Variants in DGKG observed in about 807,000 individuals in gnomAD.
DGKG encodes the protein DAG kinase gamma.
In DGKG, 78 loss-of-function variants were observed where a neutral mutation model predicts 105.3. The observed-to-expected ratio is 0.74, with a 90% CI of 0.62 to 0.89. The LOEUF is 0.89. DGKG is among the 40% of genes least tolerant of loss of function. The pLI is 0.00. For missense variants in DGKG, 958 were observed against 1,020.1 expected (o/e 0.94, Z 0.83); for synonymous variants, 346 against 367.1 (o/e 0.94, Z 0.66).
chr3:186,278,362 T>C (rs1048936175), intron 9 of DGKG, among the ~76,000 whole-genome samples: 2 of 152,222 alleles, frequency 1.3e-5, no homozygotes, highest in African/African-American at 4.8e-5. Flanking sequence ...ATCTGAGCCC[T>C]TCCAGTTCCT....
chr3:186,307,360 T>C (rs1724297849), intron 2 of DGKG, among the ~76,000 whole-genome samples: 1 of 152,360 alleles, frequency 6.6e-6, no homozygotes, highest in African/African-American at 2.4e-5. Context: ...GTTTCAGCCA[T>C]ATCAAGTTAC....
intron 2 of DGKG, among the ~76,000 whole-genome samples, chr3:186,308,366 AT>A (rs1560147187): frequency 6.6e-6 from 1 of 152,150 alleles, no homozygotes; most frequent in African/African-American, 2.4e-5. Context: ...GACCTTGGCT[AT>A]CCCTCTCTTC....
At chr3:186,194,015 G>A (rs1257487064) in intron 21 of DGKG, among the ~76,000 whole-genome samples, 1 of 152,236 alleles carries the variant, frequency 6.6e-6, no homozygotes, top group Non-Finnish European at 1.5e-5. Flanking sequence ...TGCGCCGGCG[G>A]CCAGGTGCCC....
rs68014632 is a variant in DGKG, at chr3:186,265,657, C to CTTTTTTTTTT, written c.1210-361_1210-352dup. 3.0e-3 allele frequency among the ~76,000 whole-genome samples: 229 copies of CTTTTTTTTTT among 77,384 alleles called. 13 individuals are homozygous for CTTTTTTTTTT. Among genetic ancestry groups the CTTTTTTTTTT allele is most frequent in the African/African-American group, 8.6e-3 (169 of 19,576 alleles). 50.8% of individuals were successfully genotyped at this position (77,384 alleles called of 152,430 possible). A position where few individuals can be genotyped will look rare whatever the true frequency, so the allele number is the denominator to read the frequency against. ...TTGGCGACTTGGCTTTTCTTCCTTT[C>CTTTTTTTTTT]TTTTTTTTTTTTTTTTTTTTTTTTG... On this transcript the variant is annotated intron_variant, in intron 13 of 24. Transcript: ENST00000265022.
chr3:186,169,151 A>G (rs751942199), intron 22 of DGKG, among the ~76,000 whole-genome samples: 14 of 152,226 alleles, frequency 9.2e-5, no homozygotes, highest in Admixed American at 5.9e-4. Context: ...TATGGTATCT[A>G]TATGATGAAA....
intron 20 of DGKG, among the ~76,000 whole-genome samples, chr3:186,233,318 G>A (rs1466185870): frequency 6.6e-6 from 1 of 152,178 alleles, no homozygotes; most frequent in Non-Finnish European, 1.5e-5. Flanking sequence ...AGGGGGCCAG[G>A]AGCCAAAGAG....
chr3:186,197,421 AC>A (rs1251801404), intron 21 of DGKG, among the ~76,000 whole-genome samples: 1 of 151,886 alleles, frequency 6.6e-6, no homozygotes, highest in African/African-American at 2.4e-5. Flanking sequence ...ATCCCCCACC[AC>A]CCCGCACACT....
chr3:186,322,409 G>A (rs1344214547), intron 1 of DGKG, among the ~76,000 whole-genome samples: 1 of 152,106 alleles, frequency 6.6e-6, no homozygotes, highest in Admixed American at 6.6e-5. Context: ...GGAACAATAG[G>A]TACTGGGGCC....
At chr3:186,244,141 C>T (rs922492274) in intron 19 of DGKG, among the ~76,000 whole-genome samples, 3 of 151,828 alleles carry the variant, frequency 2.0e-5, no homozygotes, top group Non-Finnish European at 2.9e-5. Flanking sequence ...CTGCCCGCCT[C>T]GGCCTCCCAA....
rs1264248303 is a variant in DGKG, at chr3:186,245,538, C to A, written c.1762-2970G>T. Among the ~76,000 whole-genome samples, 3 of 152,332 alleles carry A rather than the reference C, an allele frequency of 2.0e-5. No individual in the cohort carries two copies. In the South Asian group the frequency reaches 6.2e-4, roughly 32 times the overall value. On this transcript the variant is annotated intron_variant, in intron 19 of 24. Coordinates refer to ENST00000265022, the MANE Select transcript of DGKG (RefSeq NM_001346.3). ...CTTTCTTGGTTATTAAGGCGTAAAC[C>A]CTTTCTTGATGATAATTAAGGCAAA...
chr3:186,230,998 G>A (rs1468867258), intron 20 of DGKG, among the ~76,000 whole-genome samples: 1 of 152,138 alleles, frequency 6.6e-6, no homozygotes. Context: ...TCTTTAATAT[G>A]TCTCCAGGCC....
At chr3:186,336,376 C>T (rs917058151) in intron 1 of DGKG, among the ~76,000 whole-genome samples, 8 of 151,670 alleles carry the variant, frequency 5.3e-5, no homozygotes, top group African/African-American at 9.8e-5. Context: ...TCTTAAGTAA[C>T]TCCATGTTTA....
chr3:186,277,688 G>A (rs1722648105), intron 9 of DGKG, among the ~76,000 whole-genome samples: 1 of 152,146 alleles, frequency 6.6e-6, no homozygotes, highest in Non-Finnish European at 1.5e-5. Context: ...ATAAAGTAAC[G>A]TTTCTGCTTG....
At chr3:186,322,399 G>C (rs1005475807) in intron 1 of DGKG, among the ~76,000 whole-genome samples, 1 of 152,090 alleles carries the variant, frequency 6.6e-6, no homozygotes, top group Non-Finnish European at 1.5e-5. Context: ...CACAAAGAAG[G>C]GAACAATAGG....
chr3:186,316,030 C>G lies in DGKG; in HGVS notation c.67+4363G>C, dbSNP rs192981847. ...AAAAGAAAGGACATATGGAGAGGCC[C>G]TGGAAGACAAGAAAGTGCTGGAGAA... On this transcript the variant is annotated intron_variant, in intron 2 of 24. Coordinates refer to ENST00000265022, the MANE Select transcript of DGKG (RefSeq NM_001346.3). Among the ~76,000 whole-genome samples, 84 of 152,334 alleles carry G rather than the reference C, an allele frequency of 5.5e-4. 1 individual carries two copies. The East Asian group carries it at 0.016, about 29-fold the overall frequency.
At chr3:186,338,925 T>A (rs926822791) in intron 1 of DGKG, among the ~76,000 whole-genome samples, 1 of 152,218 alleles carries the variant, frequency 6.6e-6, no homozygotes, top group African/African-American at 2.4e-5. Context: ...ATAAACAATA[T>A]GTATTATGTC....
At chr3:186,207,270 C>T (rs1718791931) in intron 21 of DGKG, among the ~76,000 whole-genome samples, 1 of 152,154 alleles carries the variant, frequency 6.6e-6, no homozygotes, top group Non-Finnish European at 1.5e-5. Flanking sequence ...GGAATAAGGA[C>T]ATTGGATATG....
chr3:186,225,403 A>C (rs1284904248), intron 20 of DGKG, among the ~76,000 whole-genome samples: 2 of 152,192 alleles, frequency 1.3e-5, no homozygotes, highest in Non-Finnish European at 2.9e-5. Flanking sequence ...AAGGTCAAGC[A>C]AGAAAAATAA....
intron 20 of DGKG, among the ~76,000 whole-genome samples, chr3:186,214,298 G>C (rs1486644948): frequency 6.6e-6 from 1 of 152,100 alleles, no homozygotes; most frequent in East Asian, 1.9e-4. Flanking sequence ...CTAAAATAGA[G>C]ATAAGAAAAA....
Sources: gnomAD v4.1 joint callset for allele counts (sites outside exome capture counted in the v4.1 genomes callset) on GRCh38, gnomAD v4.1.1 for gene constraint, MANE v1.5 for transcripts, NCBI Gene and HGNC (gene_info 2026-07-23, HGNC 2026-07-21) for gene names.